The following MFHAS1 variants were observed in gnomAD, a reference collection of about 807,000 sequenced individuals.
MFHAS1 encodes malignant fibrous histiocytoma-amplified sequence 1.
Under a neutral mutation model 70.4 loss-of-function variants are expected in MFHAS1, and 50 were observed. The observed-to-expected ratio is 0.71, with a 90% confidence interval of 0.57 to 0.90. MFHAS1 has a LOEUF of 0.90. Among genes scored for constraint, MFHAS1 ranks in the 40% least tolerant of loss-of-function variants. The probability of loss-of-function intolerance (pLI) is 0.00; values close to 1 mark genes in which losing one functional copy is unlikely to be tolerated. For missense variants in MFHAS1, 1,795 were observed against 1,347.6 expected (o/e 1.33, Z -5.20); for synonymous variants, 952 against 620.0 (o/e 1.54, Z -7.96).
At chr8:8,800,641 G>A (rs1363941880) in intron 1 of MFHAS1, among the ~76,000 whole-genome samples, 2 of 152,106 alleles carry the variant, frequency 1.3e-5, no homozygotes, top group Admixed American at 1.3e-4. Flanking sequence ...CCCTCACCTA[G>A]CTCCTTGCCT....
intron 2 of MFHAS1, among the ~76,000 whole-genome samples, chr8:8,793,874 C>T (rs1385147678): frequency 2.0e-5 from 3 of 152,180 alleles, no homozygotes; most frequent in Non-Finnish European, 1.5e-5. Context: ...GAAATTCTAA[C>T]TTAACAGGTC....
chr8:8,843,247 G>A (rs1017494472), intron 1 of MFHAS1, among the ~76,000 whole-genome samples: 5 of 143,522 alleles, frequency 3.5e-5, no homozygotes, highest in South Asian at 4.4e-4. Flanking sequence ...CCGCAGTCCC[G>A]CCTGGGCGAC....
intron 1 of MFHAS1, among the ~76,000 whole-genome samples, chr8:8,847,764 G>A (rs1215547356): frequency 6.6e-6 from 1 of 152,176 alleles, no homozygotes; most frequent in African/African-American, 2.4e-5. Flanking sequence ...AACAGTGATA[G>A]GAGAGTTTCT....
At chr8:8,818,791 T>C (rs1806838695) in intron 1 of MFHAS1, among the ~76,000 whole-genome samples, 1 of 152,218 alleles carries the variant, frequency 6.6e-6, no homozygotes, top group Non-Finnish European at 1.5e-5. Flanking sequence ...GGGCCCTGAC[T>C]TTCCTACTTC....
Position 8,800,630 on chromosome 8 carries a change from G to A in MFHAS1, c.2999-3139C>T, listed in dbSNP as rs377275170. Among the ~76,000 whole-genome samples the A allele has an allele frequency of 2.0e-5, 3 of 152,290 alleles. No individual in the cohort carries two copies. In the East Asian group the frequency reaches 5.8e-4, roughly 29 times the overall value. ...TCTTAACACTCTTACTTCTGAGACTGCCCTCACCTAGCTCCTTGCCTGCTT... is the reference window on the plus strand; with the variant it reads ...TCTTAACACTCTTACTTCTGAGACTACCCTCACCTAGCTCCTTGCCTGCTT... On this transcript the variant is annotated intron_variant, in intron 1 of 2. Coordinates refer to ENST00000276282, the MANE Select transcript of MFHAS1 (RefSeq NM_004225.3).
At chr8:8,790,161 AT>A (rs1160132828) in intron 2 of MFHAS1, among the ~76,000 whole-genome samples, 17 of 152,300 alleles carry the variant, frequency 1.1e-4, no homozygotes, top group African/African-American at 4.1e-4. Flanking sequence ...CTTCTTCCTA[AT>A]TCCCATATGC....
In MFHAS1 at chr8:8,785,755, C is replaced by G; in HGVS notation, c.*267G>C. The G allele has an allele frequency of 9.7e-4, 168 of 173,334 alleles. No homozygotes were observed. Among genetic ancestry groups the G allele is most frequent in the Middle Eastern group, 1.9e-3 (1 of 532 alleles). The allele number at this position is 173,334 out of a possible 1,614,324, so 10.7% of individuals were successfully genotyped here. On this transcript the variant is annotated 3_prime_UTR_variant, in exon 3 of 3. Coordinates refer to ENST00000276282, the MANE Select transcript of MFHAS1 (RefSeq NM_004225.3). ...CATTCGACTTTTTTTTTTTTTTTTT[C>G]TTTTCTTCAAGTAGCGCGCTCCTTG...
At chr8:8,812,989 A>C (rs1388782822) in intron 1 of MFHAS1, among the ~76,000 whole-genome samples, 1 of 152,012 alleles carries the variant, frequency 6.6e-6, no homozygotes, top group Non-Finnish European at 1.5e-5. Context: ...ATGGTCTCAA[A>C]CTTGTGACCT....
chr8:8,806,750 C>G (rs1450166723), intron 1 of MFHAS1, among the ~76,000 whole-genome samples: 3 of 152,142 alleles, frequency 2.0e-5, no homozygotes, highest in Admixed American at 1.3e-4. Context: ...CACTTGAGGT[C>G]AGGAGTTCGA....
intron 1 of MFHAS1, among the ~76,000 whole-genome samples, chr8:8,884,963 A>G (rs1331295997): frequency 6.6e-6 from 1 of 151,540 alleles, no homozygotes; most frequent in East Asian, 1.9e-4. Context: ...CACCCCCCCA[A>G]AAAAAAAGTT....
intron 2 of MFHAS1, among the ~76,000 whole-genome samples, chr8:8,789,821 C>T (rs1805666386): frequency 6.6e-6 from 1 of 152,120 alleles, no homozygotes; most frequent in Non-Finnish European, 1.5e-5. Flanking sequence ...ATCCACCTGC[C>T]CTAATCACCC....
chr8:8,788,165 T>C (rs774561366), intron 2 of MFHAS1, among the ~76,000 whole-genome samples: 14 of 152,260 alleles, frequency 9.2e-5, no homozygotes, highest in Non-Finnish European at 1.8e-4. Context: ...TGCCTGGTTA[T>C]GGCTTTGATT....
intron 1 of MFHAS1, among the ~76,000 whole-genome samples, 174 bp downstream of exon 1, chr8:8,889,887 G>A (rs145057432): frequency 2.1e-4 from 32 of 152,326 alleles, no homozygotes; most frequent in African/African-American, 7.2e-4. Flanking sequence ...CATTTCATAA[G>A]GCTCAGGTAC....
intron 2 of MFHAS1, among the ~76,000 whole-genome samples, chr8:8,788,543 G>A (rs1468176053): frequency 6.6e-6 from 1 of 152,200 alleles, no homozygotes; most frequent in Non-Finnish European, 1.5e-5. Flanking sequence ...GCCAGGCGTG[G>A]TGGTGCATGC....
intron 1 of MFHAS1, among the ~76,000 whole-genome samples, chr8:8,811,190 C>T (rs533799823): frequency 1.3e-5 from 2 of 152,070 alleles, no homozygotes. Context: ...GGACTTGAGG[C>T]CATTTGAAAC....
intron 1 of MFHAS1, among the ~76,000 whole-genome samples, chr8:8,800,822 GC>G (rs1465290325): frequency 6.6e-6 from 1 of 152,084 alleles, no homozygotes; most frequent in Non-Finnish European, 1.5e-5. Flanking sequence ...CAGATGCCAA[GC>G]CCCTGTCCTC....
At chr8:8,868,488 C>T (rs1026744284) in intron 1 of MFHAS1, among the ~76,000 whole-genome samples, 8 of 151,440 alleles carry the variant, frequency 5.3e-5, no homozygotes, top group African/African-American at 1.9e-4. Context: ...GGAACCAGCC[C>T]TTGGTAGACA....
chr8:8,832,052 GCGCGCGCGCGCACACACACACA>G (rs1807411861), intron 1 of MFHAS1, among the ~76,000 whole-genome samples: 1 of 35,814 alleles, frequency 2.8e-5, no homozygotes, highest in African/African-American at 7.7e-5. Context: ...ACATGCACGC[GCGCGCGCGCGCACACACACACA>G]CACACACACA....
At chr8:8,848,295 G>A (rs1402989984) in intron 1 of MFHAS1, among the ~76,000 whole-genome samples, 1 of 151,884 alleles carries the variant, frequency 6.6e-6, no homozygotes, top group Admixed American at 6.6e-5. Flanking sequence ...TCAAAGAAGG[G>A]ATTATGACTC....
Sources: allele counts gnomAD v4.1 joint callset (sites outside exome capture counted in the v4.1 genomes callset), GRCh38; gene constraint gnomAD v4.1.1; transcripts MANE v1.5; gene names NCBI Gene and HGNC (gene_info 2026-07-23, HGNC 2026-07-21).